ERCC8: variants seen among roughly 807,000 people sequenced by gnomAD.
The protein encoded by ERCC8 is DNA excision repair protein ERCC-8.
ERCC8 carries 52 observed loss-of-function variants against 54.9 expected under a neutral mutation model. The observed-to-expected ratio is 0.95, with a 90% confidence interval of 0.76 to 1.19. The LOEUF (loss-of-function observed/expected upper bound fraction) is 1.19. Among genes scored for constraint, ERCC8 ranks in the 50% most tolerant of loss-of-function variants. The pLI is 0.00. For synonymous variants in ERCC8, 146 were observed against 157.2 expected (o/e 0.93, Z 0.53); for missense variants, 514 against 466.1 (o/e 1.10, Z -0.95).
intron 4 of ERCC8, among the ~76,000 whole-genome samples, chr5:60,908,050 G>A (rs1679162805): frequency 1.3e-5 from 2 of 151,874 alleles, no homozygotes; most frequent in African/African-American, 4.8e-5. Context: ...TCTCTCCTTG[G>A]CTACATCTTT....
intron 2 of ERCC8, among the ~76,000 whole-genome samples, chr5:60,926,040 G>C (rs952835528): frequency 6.6e-6 from 1 of 152,000 alleles, no homozygotes; most frequent in East Asian, 1.9e-4. Context: ...GGCCAGGCTG[G>C]TCTTGAACTC....
chr5:60,925,367 T>C (rs545049313), intron 2 of ERCC8, among the ~76,000 whole-genome samples: 2 of 152,302 alleles, frequency 1.3e-5, no homozygotes, highest in South Asian at 4.1e-4. Flanking sequence ...GCAGTTTTCC[T>C]CAGTATATAG....
At chr5:60,933,029 G>A (rs889666074) in intron 1 of ERCC8, among the ~76,000 whole-genome samples, 1 of 151,980 alleles carries the variant, frequency 6.6e-6, no homozygotes, top group African/African-American at 2.4e-5. Flanking sequence ...GGCTTAGTTC[G>A]TTTCCATGCC....
chr5:60,916,017 C>T (rs761175984), intron 4 of ERCC8, among the ~76,000 whole-genome samples: 1 of 151,944 alleles, frequency 6.6e-6, no homozygotes, highest in East Asian at 1.9e-4. Context: ...TTCTACTTAG[C>T]AAGTACTGCA....
At chr5:60,882,970 A>AACAC (rs10550173) in intron 11 of ERCC8, among the ~76,000 whole-genome samples, 5,169 of 144,768 alleles carry the variant, frequency 0.036, 107 homozygotes, top group South Asian at 0.067. Context: ...GCCCTGGGAA[A>AACAC]ACACACACAC....
Position 60,866,656 on chromosome 5 carries a change from T to C in ERCC8, c.*7959A>G, listed in dbSNP as rs1747754526. The C allele has an allele frequency of 6.6e-6, 1 of 152,208 alleles. No homozygotes were observed. Among genetic ancestry groups the C allele is most frequent in the Non-Finnish European group, 1.5e-5 (1 of 68,028 alleles). 9.4% of individuals were successfully genotyped at this position (152,208 alleles called of 1,614,324 possible). The stretch of plus-strand genomic sequence containing the variant: ...TTAGAATTTGAGTGTTCACTCAGTA[T>C]TAAGACAATTCATAAAACTTTTATA... On this transcript the variant is annotated 3_prime_UTR_variant, in exon 12 of 12. Coordinates refer to ENST00000676185, the MANE Select transcript of ERCC8 (RefSeq NM_000082.4).
At chr5:60,875,507 T>A (rs955289320) in intron 11 of ERCC8, among the ~76,000 whole-genome samples, 1 of 152,216 alleles carries the variant, frequency 6.6e-6, no homozygotes, top group Non-Finnish European at 1.5e-5. Flanking sequence ...CTGATACTCA[T>A]GCAAATAACT....
chr5:60,928,821 T>C (rs1270864709), intron 2 of ERCC8, 43 bp downstream of exon 2: 1 of 1,139,792 alleles, frequency 8.8e-7, no homozygotes, highest in East Asian at 2.4e-5. Flanking sequence ...TTACTGCATT[T>C]CACTTAGAAA....
Position 60,898,395 on chromosome 5 carries a change from T to C in ERCC8, c.724A>G (p.Thr242Ala). The C allele has an allele frequency of 1.2e-6, 2 of 1,613,484 alleles. No individual in the cohort carries two copies. Among genetic ancestry groups the C allele is most frequent in the Non-Finnish European group, 1.7e-6 (2 of 1,179,556 alleles). ...KKSQAVESAN[T>A]AHNGKVNGLC... is the part of the protein sequence containing the mutation. ...CCATTAACTTTCCCATTATGAGCAG[T>C]GTTTGCTGCAATGAAAAACATAGTT... The change falls in exon 9 of 12, where the codon ACT becomes GCT. Residue 242 changes from threonine to alanine, a missense_variant. Transcript: ENST00000676185.
rs183770700 is a variant in ERCC8 at position 60,873,256 on chromosome 5, T to G, written c.*1359A>C. Among the ~76,000 whole-genome samples, 114 of 152,322 alleles carry G rather than the reference T, an allele frequency of 7.5e-4. No individual in the cohort carries two copies. Among genetic ancestry groups the G allele is most frequent in the Middle Eastern group, 3.4e-3 (1 of 294 alleles). The stretch of plus-strand genomic sequence containing the variant: ...GTATATATGCTTCAAAACAGTATGT[T>G]GTACATGGTAAATACATACAATTTT... On this transcript the variant is annotated 3_prime_UTR_variant, in exon 12 of 12. Coordinates refer to ENST00000676185, the MANE Select transcript of ERCC8 (RefSeq NM_000082.4).
intron 11 of ERCC8, among the ~76,000 whole-genome samples, chr5:60,881,575 C>A (rs1387940997): frequency 6.6e-6 from 1 of 152,350 alleles, no homozygotes; most frequent in South Asian, 2.1e-4. Flanking sequence ...GCCCCTCCCC[C>A]AGCCTGGCTG....
rs1254057568 is a variant in ERCC8, at chr5:60,904,630, GTGTGTATATATATATATATA to G, written c.481+142_481+161del. ...TCTGTTGAATATATATAGTGTGTGTGTGTGTATATATATATATATATATATATATATATATATATATATAT... is the reference window on the plus strand; with the variant it reads ...TCTGTTGAATATATATAGTGTGTGTGTATATATATATATATATATATATAT... On this transcript the variant is annotated intron_variant, in intron 5 of 11. Transcript: ENST00000676185. Among the ~76,000 whole-genome samples the G allele has an allele frequency of 1.0e-3, 46 of 44,580 alleles. 1 individual carries two copies. The highest frequency in any genetic ancestry group is 8.9e-3 in the Middle Eastern group (1 of 112). The allele number at this position is 44,580 out of a possible 152,430, so 29.2% of individuals were successfully genotyped here.
intron 4 of ERCC8, among the ~76,000 whole-genome samples, chr5:60,914,479 T>A (rs960215078): frequency 9.9e-5 from 15 of 151,948 alleles, no homozygotes; most frequent in Non-Finnish European, 2.9e-5. Context: ...AGCCTATGTG[T>A]GTCAGTATGC....
At chr5:60,908,946 G>A (rs1360367827) in intron 4 of ERCC8, among the ~76,000 whole-genome samples, 3 of 151,930 alleles carry the variant, frequency 2.0e-5, no homozygotes, top group Non-Finnish European at 4.4e-5. Context: ...ACAGAAAGGC[G>A]TATCTATATG....
At chr5:60,931,565 T>C (rs1003326993) in intron 1 of ERCC8, among the ~76,000 whole-genome samples, 2 of 152,140 alleles carry the variant, frequency 1.3e-5, no homozygotes, top group Non-Finnish European at 2.9e-5. Context: ...CACCTTCACC[T>C]CCCAAAGTAC....
intron 6 of ERCC8, among the ~76,000 whole-genome samples, chr5:60,903,020 A>G (rs941527131): frequency 1.3e-5 from 2 of 151,998 alleles, no homozygotes; most frequent in Admixed American, 1.3e-4. Flanking sequence ...AACTATTCAC[A>G]TCAGACATTT....
intron 4 of ERCC8, among the ~76,000 whole-genome samples, chr5:60,915,939 A>G (rs1308678658): frequency 6.6e-6 from 1 of 151,800 alleles, no homozygotes; most frequent in African/African-American, 2.4e-5. Flanking sequence ...TCTACCTCCT[A>G]TTTGTACCCA....
chr5:60,939,662 A>AT (rs1487778423), intron 1 of ERCC8, among the ~76,000 whole-genome samples: 1 of 151,666 alleles, frequency 6.6e-6, no homozygotes, highest in African/African-American at 2.4e-5. Flanking sequence ...CGCCCGGCTG[A>AT]TTTTTGGATT....
intron 11 of ERCC8, among the ~76,000 whole-genome samples, chr5:60,875,545 T>C (rs550840821): frequency 6.6e-6 from 1 of 152,340 alleles, no homozygotes; most frequent in South Asian, 2.1e-4. Context: ...GTCTCATTGT[T>C]AAAGTAATTG....
Sources: gnomAD v4.1 joint callset for allele counts (sites outside exome capture counted in the v4.1 genomes callset) on GRCh38, gnomAD v4.1.1 for gene constraint, MANE v1.5 for transcripts, NCBI Gene and HGNC (gene_info 2026-07-23, HGNC 2026-07-21) for gene names.